Variants in SOBP observed in about 807,000 individuals in gnomAD.
The protein encoded by SOBP is sine oculis binding protein homolog.
A neutral mutation model predicts 53.6 loss-of-function variants in SOBP; 4 were observed. The ratio of observed to expected loss-of-function variants is 0.07; its 90% CI spans 0.04 to 0.17. The LOEUF is 0.17. SOBP is among the 10% of genes least tolerant of loss of function. The pLI, the probability that SOBP is intolerant of heterozygous loss-of-function variation, is 1.00. For missense variants in SOBP, 1,088 were observed against 1,204.7 expected (o/e 0.90, Z 1.43); for synonymous variants, 584 against 522.6 (o/e 1.12, Z -1.60).
chr6:107,502,970 A>G (rs1334527865), intron 1 of SOBP, among the ~76,000 whole-genome samples: 2 of 152,198 alleles, frequency 1.3e-5, no homozygotes, highest in African/African-American at 2.4e-5. Flanking sequence ...CATGTTGCCC[A>G]GGCTGGTCTT....
At chr6:107,502,144 C>G (rs1325549431) in intron 1 of SOBP, among the ~76,000 whole-genome samples, 1 of 152,136 alleles carries the variant, frequency 6.6e-6, no homozygotes, top group African/African-American at 2.4e-5. Context: ...ATTTTTTATG[C>G]TACCCCTGCT....
At chr6:107,541,307 G>A (rs1562600239) in intron 4 of SOBP, among the ~76,000 whole-genome samples, 1 of 152,108 alleles carries the variant, frequency 6.6e-6, no homozygotes, top group Non-Finnish European at 1.5e-5. Flanking sequence ...GAGCTTTGGA[G>A]GCATGTAGGA....
chr6:107,520,374 A>G (rs561651772), intron 3 of SOBP, among the ~76,000 whole-genome samples: 1 of 152,336 alleles, frequency 6.6e-6, no homozygotes, highest in South Asian at 2.1e-4. Flanking sequence ...AGCAGAGGAA[A>G]TGAGGTCTGG....
intron 3 of SOBP, among the ~76,000 whole-genome samples, chr6:107,526,265 T>G (rs1411926107): frequency 1.3e-5 from 2 of 152,170 alleles, no homozygotes; most frequent in African/African-American, 2.4e-5. Flanking sequence ...CATGTTTTAT[T>G]GAGAAACATT....
chr6:107,642,313 A>T (rs1771363946), intron 6 of SOBP, among the ~76,000 whole-genome samples: 1 of 152,198 alleles, frequency 6.6e-6, no homozygotes, highest in Admixed American at 6.5e-5. Context: ...AAGTACACAC[A>T]CATGCACAAA....
intron 4 of SOBP, among the ~76,000 whole-genome samples, chr6:107,573,133 G>T (rs187693527): frequency 6.6e-6 from 1 of 152,202 alleles, no homozygotes; most frequent in Non-Finnish European, 1.5e-5. Flanking sequence ...AGAAGTGGTC[G>T]TTAAGTACTG....
At chr6:107,613,786 T>C (rs1254902582) in intron 5 of SOBP, among the ~76,000 whole-genome samples, 1 of 152,192 alleles carries the variant, frequency 6.6e-6, no homozygotes, top group Non-Finnish European at 1.5e-5. Context: ...AATAAATCAA[T>C]TTATACTGGC....
intron 6 of SOBP, among the ~76,000 whole-genome samples, chr6:107,645,448 AAG>A (rs150838750): frequency 0.034 from 5,168 of 152,032 alleles, 272 homozygotes; most frequent in East Asian, 0.13. Context: ...GAGAGAGGGA[AAG>A]AGAGAAAAGA....
At chr6:107,644,553 AG>A (rs749842857) in intron 6 of SOBP, among the ~76,000 whole-genome samples, 9 of 152,334 alleles carry the variant, frequency 5.9e-5, no homozygotes, top group Middle Eastern at 3.4e-3. Flanking sequence ...TTCCAAACGC[AG>A]AATCCATTTA....
At position 107,660,868 on chromosome 6, in the gene SOBP, G is replaced by A. The variant is rs993180293; in HGVS notation, c.*2665G>A. Among the ~76,000 whole-genome samples, 1 of 152,194 alleles carries A rather than the reference G, an allele frequency of 6.6e-6. No individual in the cohort carries two copies. The highest frequency in any genetic ancestry group is 1.5e-5 in the Non-Finnish European group (1 of 68,020). On this transcript the variant is annotated 3_prime_UTR_variant, in exon 7 of 7. Coordinates refer to ENST00000317357, the MANE Select transcript of SOBP (RefSeq NM_018013.4). ...GCACCACGAGCAGCTCCCTTGAAGT[G>A]ATCATCCTGTGGATTCCGGAGACCT...
At position 107,602,566 on chromosome 6, in the gene SOBP, G is replaced by A. The variant is rs189335764; in HGVS notation, c.669+15391G>A. On this transcript the variant is annotated intron_variant, in intron 5 of 6. Coordinates refer to ENST00000317357, the MANE Select transcript of SOBP (RefSeq NM_018013.4). ...AGCCTCTGCATAGCAACTAAGCCGC[G>A]TTAAAAAAAAAAAAAAAAAAAGGAA... Among the ~76,000 whole-genome samples, 242 of 54,692 alleles carry A rather than the reference G, an allele frequency of 4.4e-3. 2 individuals are homozygous for A. Among genetic ancestry groups the A allele is most frequent in the African/African-American group, 0.03 (215 of 7,206 alleles). 35.9% of individuals were successfully genotyped at this position (54,692 alleles called of 152,430 possible). A position where few individuals can be genotyped will look rare whatever the true frequency, so the allele number is the denominator to read the frequency against.
chr6:107,515,208 A>T (rs1295760481), intron 3 of SOBP: 1 of 152,256 alleles, frequency 6.6e-6, no homozygotes, highest in Non-Finnish European at 1.5e-5. Context: ...AAGGAAATAA[A>T]ATAATTGAAT....
chr6:107,503,786 G>C lies in SOBP; in HGVS notation c.226G>C (p.Val76Leu). 6.2e-7 allele frequency: 1 copy of C among 1,614,026 alleles called. No individual in the cohort carries two copies. Among genetic ancestry groups the C allele is most frequent in the Non-Finnish European group, 8.5e-7 (1 of 1,180,014 alleles). The change falls in exon 2 of 7, where the codon GTT becomes CTT. Residue 76 changes from valine to leucine, a missense_variant. By Grantham distance (32) the Val-to-Leu change is conservative. This residue lies in a region of SOBP where 112 missense variants were observed against 117.9 expected (regional missense o/e 0.95). Coordinates refer to ENST00000317357, the MANE Select transcript of SOBP (RefSeq NM_018013.4). ...TDGESRQHISVLKENSLPKPK... is the reference protein window; with the variant it reads ...TDGESRQHISLLKENSLPKPK... Reference sequence around the variant, plus strand: ...TGGGGAGAGCCGGCAGCACATTTCTGTTCTCAAAGGTAATGACATTTAATG... The same window carrying C: ...TGGGGAGAGCCGGCAGCACATTTCTCTTCTCAAAGGTAATGACATTTAATG...
intron 4 of SOBP, among the ~76,000 whole-genome samples, chr6:107,572,837 T>C (rs1404521160): frequency 6.6e-6 from 1 of 152,158 alleles, no homozygotes; most frequent in African/African-American, 2.4e-5. Context: ...AGTTAGTAGC[T>C]GGAAAATAAG....
intron 1 of SOBP, among the ~76,000 whole-genome samples, chr6:107,491,332 C>T (rs537453700): frequency 6.6e-6 from 1 of 152,338 alleles, no homozygotes; most frequent in African/African-American, 2.4e-5. Context: ...CTCGCCTCTG[C>T]CTGCCTCACT....
chr6:107,499,149 T>G (rs1288903438), intron 1 of SOBP, among the ~76,000 whole-genome samples: 1 of 152,204 alleles, frequency 6.6e-6, no homozygotes, highest in African/African-American at 2.4e-5. Flanking sequence ...GGAGGTAGCT[T>G]CTTTGCAATT....
intron 4 of SOBP, among the ~76,000 whole-genome samples, chr6:107,552,491 A>G (rs912653492): frequency 6.6e-6 from 1 of 152,124 alleles, no homozygotes; most frequent in African/African-American, 2.4e-5. Flanking sequence ...AAGACCAGAC[A>G]ATGAGGAGGG....
chr6:107,507,852 T>C (rs17068253), intron 3 of SOBP, among the ~76,000 whole-genome samples: 4,436 of 152,266 alleles, frequency 0.029, 119 homozygotes, highest in African/African-American at 0.059. Context: ...AATTCATTCT[T>C]ATATTTCCAG....
chr6:107,626,231 A>C (rs1770454435), intron 5 of SOBP, among the ~76,000 whole-genome samples: 1 of 152,112 alleles, frequency 6.6e-6, no homozygotes, highest in Non-Finnish European at 1.5e-5. Context: ...TTTTTTTGCT[A>C]AAAGCTGTTA....
Sources: gnomAD v4.1 joint callset for allele counts (sites outside exome capture counted in the v4.1 genomes callset) on GRCh38, gnomAD v4.1.1 for gene constraint, gnomAD v4.1.1 regional missense constraint, MANE v1.5 for transcripts, NCBI Gene and HGNC (gene_info 2026-07-23, HGNC 2026-07-21) for gene names.